The following CSMD1 variants were observed in gnomAD, a reference collection of about 807,000 sequenced individuals.
The protein encoded by CSMD1 is CUB and sushi domain-containing protein 1.
A neutral mutation model predicts 417.5 loss-of-function variants in CSMD1; 213 were observed. The observed-to-expected ratio is 0.51, with a 90% CI of 0.46 to 0.57. The LOEUF (loss-of-function observed/expected upper bound fraction) is 0.57, where lower values mean the gene tolerates loss of function less well. CSMD1 is among the 20% of genes least tolerant of loss of function. The pLI, the probability that CSMD1 is intolerant of heterozygous loss-of-function variation, is 0.00. For missense variants in CSMD1, 6,923 were observed against 4,529.7 expected (o/e 1.53, Z -15.17); for synonymous variants, 2,862 against 1,736.8 (o/e 1.65, Z -16.11).
At chr8:3,764,681 C>G (rs910391232) in intron 5 of CSMD1, among the ~76,000 whole-genome samples, 1 of 151,408 alleles carries the variant, frequency 6.6e-6, no homozygotes, top group African/African-American at 2.4e-5. Flanking sequence ...TTATCTAGAG[C>G]AGTAATCACC....
intron 5 of CSMD1, among the ~76,000 whole-genome samples, chr8:3,990,657 C>T (rs1314212121): frequency 6.6e-6 from 1 of 152,162 alleles, no homozygotes; most frequent in Non-Finnish European, 1.5e-5. Flanking sequence ...TAAAGGATTG[C>T]TCTAGAATGC....
chr8:3,133,240 C>A (rs1219400591), intron 41 of CSMD1, among the ~76,000 whole-genome samples: 2 of 152,084 alleles, frequency 1.3e-5, no homozygotes, highest in Non-Finnish European at 1.5e-5. Context: ...CCAATGGGGC[C>A]CCTTCTTGGC....
intron 44 of CSMD1, 29 bp from the exon 45 acceptor site, chr8:3,107,827 A>G: frequency 7.2e-7 from 1 of 1,395,548 alleles, no homozygotes; most frequent in South Asian, 1.2e-5. Context: ...GAATAATAAT[A>G]ATTGCAATTA....
At chr8:4,643,125 T>C (rs767983073) in intron 1 of CSMD1, among the ~76,000 whole-genome samples, 2 of 152,244 alleles carry the variant, frequency 1.3e-5, no homozygotes, top group Admixed American at 1.3e-4. Context: ...CTGAACAGTA[T>C]GTCTCATTGG....
At chr8:3,823,641 T>C (rs996089850) in intron 5 of CSMD1, among the ~76,000 whole-genome samples, 1 of 152,142 alleles carries the variant, frequency 6.6e-6, no homozygotes, top group Non-Finnish European at 1.5e-5. Context: ...AAATAATGTA[T>C]AACAATAAAA....
Position 4,839,982 on chromosome 8 carries a change from G to C in CSMD1, c.85+154350C>G, listed in dbSNP as rs191575822. The stretch of plus-strand genomic sequence containing the variant: ...TTCAGTGTTTGCAAGTGTAAAATAG[G>C]AATGTGGAACTTACAGGTGCTTTTT... On this transcript the variant is annotated intron_variant, in intron 1 of 69. Coordinates refer to ENST00000635120, the MANE Select transcript of CSMD1 (RefSeq NM_033225.6). Among the ~76,000 whole-genome samples, 66 of 152,264 alleles carry C rather than the reference G, an allele frequency of 4.3e-4. 2 individuals are homozygous for C. The South Asian group carries it at 6.0e-3, about 14-fold the overall frequency.
At chr8:3,973,350 G>A (rs573039563) in intron 5 of CSMD1, among the ~76,000 whole-genome samples, 3 of 152,112 alleles carry the variant, frequency 2.0e-5, no homozygotes, top group Non-Finnish European at 4.4e-5. Flanking sequence ...CTAGATAGAA[G>A]ATTTTCAAAA....
intron 1 of CSMD1, among the ~76,000 whole-genome samples, chr8:4,883,143 C>T (rs541032375): frequency 2.6e-5 from 4 of 151,998 alleles, no homozygotes; most frequent in Admixed American, 1.3e-4. Context: ...AATTCAATAT[C>T]GCAATGGGGC....
chr8:3,427,507 T>A (rs1489435618), intron 12 of CSMD1, among the ~76,000 whole-genome samples: 1 of 152,154 alleles, frequency 6.6e-6, no homozygotes, highest in East Asian at 1.9e-4. Context: ...ATGAAAATAT[T>A]TAATAAGGAT....
intron 5 of CSMD1, among the ~76,000 whole-genome samples, chr8:3,786,058 G>C (rs541443865): frequency 2.0e-5 from 3 of 152,194 alleles, no homozygotes; most frequent in South Asian, 4.2e-4. Flanking sequence ...ATGTTTGGGA[G>C]GTGAGAATGA....
At chr8:3,055,789 G>A (rs1401115678) in intron 49 of CSMD1, among the ~76,000 whole-genome samples, 1 of 152,108 alleles carries the variant, frequency 6.6e-6, no homozygotes, top group African/African-American at 2.4e-5. Context: ...AATTTTGTTT[G>A]GGAGCACAGG....
chr8:4,142,157 T>C (rs1210229239), intron 3 of CSMD1, among the ~76,000 whole-genome samples: 2 of 151,206 alleles, frequency 1.3e-5, no homozygotes, highest in Non-Finnish European at 1.5e-5. Flanking sequence ...TTAAAAATGA[T>C]ACTGGTGAAT....
intron 1 of CSMD1, among the ~76,000 whole-genome samples, chr8:4,773,599 A>G (rs1796702641): frequency 6.6e-6 from 1 of 152,166 alleles, no homozygotes. Flanking sequence ...CAGGATACCA[A>G]GGATTCCTCA....
intron 3 of CSMD1, among the ~76,000 whole-genome samples, chr8:4,159,040 A>G (rs1796996677): frequency 6.6e-6 from 1 of 151,888 alleles, no homozygotes; most frequent in Admixed American, 6.6e-5. Context: ...CTCAGCCTCC[A>G]TAGTAACTGG....
intron 5 of CSMD1, among the ~76,000 whole-genome samples, chr8:3,886,027 A>T (rs1020912883): frequency 6.6e-5 from 10 of 151,952 alleles, no homozygotes; most frequent in Non-Finnish European, 1.3e-4. Flanking sequence ...ATATATATAC[A>T]TACATATATA....
intron 3 of CSMD1, among the ~76,000 whole-genome samples, chr8:4,113,843 GCTC>G (rs1417670462): frequency 2.6e-5 from 4 of 152,172 alleles, no homozygotes; most frequent in African/African-American, 9.7e-5. Flanking sequence ...TTCAGAGCAA[GCTC>G]CTCATTTTCT....
intron 3 of CSMD1, among the ~76,000 whole-genome samples, chr8:4,270,779 G>T (rs754285929): frequency 1.3e-4 from 20 of 152,096 alleles, no homozygotes; most frequent in Non-Finnish European, 2.2e-4. Context: ...CACCCCCCAG[G>T]GGGCTGTGGC....
chr8:4,771,201 C>A (rs1168609623), intron 1 of CSMD1, among the ~76,000 whole-genome samples: 3 of 152,124 alleles, frequency 2.0e-5, no homozygotes, highest in Non-Finnish European at 1.5e-5. Flanking sequence ...GGCCGCTTTG[C>A]CTAAAATTAG....
In CSMD1 at chr8:4,484,980, C is replaced by CAAAAAAAAAAAAAAAAAA. The variant is rs57398278; in HGVS notation, c.303-64933_303-64916dup. ...TGGTTGACAGAGTGAGACTCTGCCT[C>CAAAAAAAAAAAAAAAAAA]AAAAAAAAAAAAAAAAAAAAAAAAA... On this transcript the variant is annotated intron_variant, in intron 2 of 69. Transcript: ENST00000635120. 4.3e-4 allele frequency among the ~76,000 whole-genome samples: 23 copies of CAAAAAAAAAAAAAAAAAA among 53,942 alleles called. 1 individual carries two copies. Among genetic ancestry groups the CAAAAAAAAAAAAAAAAAA allele is most frequent in the Admixed American group, 1.3e-3 (4 of 3,028 alleles). The allele number at this position is 53,942 out of a possible 152,430, so 35.4% of individuals were successfully genotyped here.
Sources: gnomAD v4.1 joint callset for allele counts (sites outside exome capture counted in the v4.1 genomes callset) on GRCh38, gnomAD v4.1.1 for gene constraint, MANE v1.5 for transcripts, NCBI Gene and HGNC (gene_info 2026-07-23, HGNC 2026-07-21) for gene names.